Variants in SLC25A21 observed in about 807,000 individuals in gnomAD.
SLC25A21 encodes the protein solute carrier family 25 member 21, also known as mitochondrial 2-oxodicarboxylate carrier.
SLC25A21 carries 47 observed loss-of-function variants against 43.8 expected under a neutral mutation model. That is an observed-to-expected ratio of 1.07 (90% CI 0.85 to 1.37). The LOEUF is 1.37. Among genes scored for constraint, SLC25A21 ranks in the 40% most tolerant of loss-of-function variants. SLC25A21 has a pLI of 0.00. For synonymous variants in SLC25A21, 131 were observed against 121.3 expected, an observed-to-expected ratio of 1.08 and a Z score of -0.52; for missense variants, 352 against 350.2, an observed-to-expected ratio of 1.00 and a Z score of -0.04.
intron 1 of SLC25A21, among the ~76,000 whole-genome samples, chr14:37,013,697 T>C (rs1960783494): frequency 6.6e-6 from 1 of 152,202 alleles, no homozygotes; most frequent in African/African-American, 2.4e-5. Context: ...GAAATTGTCA[T>C]AAGTCATCCA....
chr14:36,720,634 C>A (rs1003720533), intron 6 of SLC25A21, among the ~76,000 whole-genome samples: 1 of 152,226 alleles, frequency 6.6e-6, no homozygotes, highest in Non-Finnish European at 1.5e-5. Context: ...TAGTTCATAA[C>A]CTTCCATGTG....
intron 1 of SLC25A21, among the ~76,000 whole-genome samples, chr14:36,992,176 C>G (rs965446998): frequency 1.3e-5 from 2 of 152,116 alleles, no homozygotes; most frequent in Admixed American, 1.3e-4. Context: ...TGGGTGGACC[C>G]GTGCACCCTC....
At chr14:36,882,476 C>T (rs1483545688) in intron 1 of SLC25A21, among the ~76,000 whole-genome samples, 1 of 152,160 alleles carries the variant, frequency 6.6e-6, no homozygotes, top group African/African-American at 2.4e-5. Flanking sequence ...GTATTCAACA[C>T]CAGACACTGT....
intron 1 of SLC25A21, among the ~76,000 whole-genome samples, chr14:36,931,812 T>C (rs6571768): frequency 0.49 from 75,012 of 151,946 alleles, 20,801 homozygotes; most frequent in Non-Finnish European, 0.62. Context: ...AACTAGGAGG[T>C]GTCTCAGAAT....
At chr14:37,064,087 T>C (rs1962009112) in intron 1 of SLC25A21, among the ~76,000 whole-genome samples, 1 of 152,186 alleles carries the variant, frequency 6.6e-6, no homozygotes, top group South Asian at 2.1e-4. Flanking sequence ...ACCCTCAATG[T>C]GAGCAGGTGC....
At chr14:36,981,404 C>T (rs1459453166) in intron 1 of SLC25A21, among the ~76,000 whole-genome samples, 1 of 152,170 alleles carries the variant, frequency 6.6e-6, no homozygotes, top group Non-Finnish European at 1.5e-5. Flanking sequence ...TTTATTGCAG[C>T]ACTATTCACA....
intron 7 of SLC25A21, among the ~76,000 whole-genome samples, chr14:36,707,003 C>A (rs1883600003): frequency 6.6e-6 from 1 of 152,166 alleles, no homozygotes; most frequent in Admixed American, 6.5e-5. Flanking sequence ...CCTACAAGGG[C>A]CAGTATGATC....
chr14:36,773,709 A>G (rs1886712241), intron 3 of SLC25A21, among the ~76,000 whole-genome samples: 1 of 152,196 alleles, frequency 6.6e-6, no homozygotes, highest in Non-Finnish European at 1.5e-5. Context: ...CCTCATGATA[A>G]CCCTATGTGG....
intron 2 of SLC25A21, among the ~76,000 whole-genome samples, chr14:36,856,508 C>T (rs1889902646): frequency 6.6e-6 from 1 of 151,976 alleles, no homozygotes. Context: ...TGGGGTTGGC[C>T]AAAGCCAAGA....
chr14:37,111,949 T>A (rs752634040), intron 1 of SLC25A21, among the ~76,000 whole-genome samples: 23 of 152,132 alleles, frequency 1.5e-4, no homozygotes, highest in Middle Eastern at 3.2e-3. Context: ...AATGGAAAAA[T>A]TAACTGTTCA....
chr14:36,902,168 A>T (rs1891414135), intron 1 of SLC25A21, among the ~76,000 whole-genome samples: 1 of 152,264 alleles, frequency 6.6e-6, no homozygotes, highest in Non-Finnish European at 1.5e-5. Context: ...AAGAATGAAG[A>T]AAGTAAATCC....
intron 1 of SLC25A21, among the ~76,000 whole-genome samples, chr14:37,028,242 T>C (rs549287893): frequency 6.6e-6 from 1 of 151,938 alleles, no homozygotes; most frequent in African/African-American, 2.4e-5. Flanking sequence ...ATACCAATAG[T>C]GGTTGAGAAG....
intron 7 of SLC25A21, among the ~76,000 whole-genome samples, chr14:36,687,979 G>T (rs750263554): frequency 8.5e-5 from 13 of 152,172 alleles, no homozygotes; most frequent in Non-Finnish European, 1.8e-4. Flanking sequence ...CTTGGCCATT[G>T]ATTTCTTTCC....
At chr14:37,087,827 T>C (rs1962514441) in intron 1 of SLC25A21, among the ~76,000 whole-genome samples, 2 of 152,206 alleles carry the variant, frequency 1.3e-5, no homozygotes, top group African/African-American at 4.8e-5. Context: ...GCATTTAGTT[T>C]TTGGTAGAGG....
intron 1 of SLC25A21, among the ~76,000 whole-genome samples, chr14:36,914,512 A>C (rs1057125406): frequency 2.6e-5 from 4 of 152,142 alleles, no homozygotes; most frequent in Non-Finnish European, 5.9e-5. Context: ...TAGGGTAATA[A>C]ATTTTTTTCC....
intron 1 of SLC25A21, among the ~76,000 whole-genome samples, chr14:36,883,771 C>A (rs962510270): frequency 1.3e-5 from 2 of 152,040 alleles, no homozygotes; most frequent in Non-Finnish European, 2.9e-5. Context: ...AACTTCCAAT[C>A]CAAAGAATCC....
At chr14:36,917,731 A>G (rs576704747) in intron 1 of SLC25A21, among the ~76,000 whole-genome samples, 26 of 152,256 alleles carry the variant, frequency 1.7e-4, no homozygotes, top group African/African-American at 6.0e-4. Context: ...TTAATAAAAT[A>G]TTATTTATAA....
At chr14:36,709,006 C>CTTT (rs58990948) in intron 7 of SLC25A21, among the ~76,000 whole-genome samples, 1 of 149,312 alleles carries the variant, frequency 6.7e-6, no homozygotes, top group Non-Finnish European at 1.5e-5. Flanking sequence ...TCTGATTAAT[C>CTTT]TTTTTTTTTT....
intron 1 of SLC25A21, among the ~76,000 whole-genome samples, chr14:37,145,838 G>A (rs1963655415): frequency 6.6e-6 from 1 of 152,152 alleles, no homozygotes; most frequent in Admixed American, 6.5e-5. Flanking sequence ...CAAATTTCTA[G>A]GTTCACAGAA....
Sources: gnomAD v4.1 joint callset for allele counts (sites outside exome capture counted in the v4.1 genomes callset) on GRCh38, gnomAD v4.1.1 for gene constraint, MANE v1.5 for transcripts, NCBI Gene and HGNC (gene_info 2026-07-23, HGNC 2026-07-21) for gene names.